The following MGMT variants were observed in gnomAD, a reference collection of about 807,000 sequenced individuals.
MGMT encodes O-6-methylguanine-DNA methyltransferase.
Under a neutral mutation model 15.9 loss-of-function variants are expected in MGMT, and 14 were observed. The ratio of observed to expected loss-of-function variants is 0.88; its 90% CI spans 0.58 to 1.37. MGMT has a LOEUF of 1.37. Among genes scored for constraint, MGMT ranks in the 40% most tolerant of loss-of-function variants. MGMT has a pLI of 0.00. For synonymous variants in MGMT, 130 were observed against 118.2 expected (o/e 1.10, Z -0.65); for missense variants, 282 against 268.1 (o/e 1.05, Z -0.36).
intron 2 of MGMT, among the ~76,000 whole-genome samples, chr10:129,552,826 C>A (rs1448047235): frequency 6.6e-6 from 1 of 152,202 alleles, no homozygotes; most frequent in Non-Finnish European, 1.5e-5. Flanking sequence ...TTTTCTGAAG[C>A]CTGCTCTTTT....
chr10:129,732,635 C>T (rs1346330623), intron 3 of MGMT, among the ~76,000 whole-genome samples: 1 of 150,136 alleles, frequency 6.7e-6, no homozygotes, highest in Non-Finnish European at 1.5e-5. Flanking sequence ...TATACATGTG[C>T]CATGCTTGTG....
At chr10:129,747,636 G>C (rs1289784545) in intron 3 of MGMT, among the ~76,000 whole-genome samples, 1 of 152,036 alleles carries the variant, frequency 6.6e-6, no homozygotes, top group Admixed American at 6.5e-5. Flanking sequence ...ACATTAGTAC[G>C]GTACATGTGT....
intron 2 of MGMT, among the ~76,000 whole-genome samples, chr10:129,590,534 T>C (rs2070816367): frequency 6.6e-6 from 1 of 152,248 alleles, no homozygotes; most frequent in African/African-American, 2.4e-5. Flanking sequence ...GAATAGTTTC[T>C]AGCCATGGAA....
intron 1 of MGMT, among the ~76,000 whole-genome samples, chr10:129,468,661 G>A (rs928405447): frequency 7.2e-5 from 11 of 152,018 alleles, no homozygotes; most frequent in Non-Finnish European, 1.6e-4. Flanking sequence ...GAGGTGGGTG[G>A]ATCACCTGAA....
chr10:129,733,494 T>G (rs747255994), intron 3 of MGMT, among the ~76,000 whole-genome samples: 1 of 149,360 alleles, frequency 6.7e-6, no homozygotes. Flanking sequence ...GAAAATTTTC[T>G]CCCATTTTGT....
chr10:129,499,720 C>T (rs1023486712), intron 1 of MGMT, among the ~76,000 whole-genome samples: 1 of 152,158 alleles, frequency 6.6e-6, no homozygotes, highest in African/African-American at 2.4e-5. Flanking sequence ...AGTATTCATG[C>T]TATAGAACAC....
intron 1 of MGMT, among the ~76,000 whole-genome samples, chr10:129,524,241 G>A (rs895037004): frequency 1.3e-5 from 2 of 152,182 alleles, no homozygotes; most frequent in African/African-American, 2.4e-5. Context: ...CATCTCTGGC[G>A]TGCTCAGGCC....
intron 1 of MGMT, among the ~76,000 whole-genome samples, chr10:129,505,867 G>A (rs934266810): frequency 1.3e-5 from 2 of 152,182 alleles, no homozygotes; most frequent in Non-Finnish European, 2.9e-5. Context: ...TGAGAGCAGT[G>A]TGAAGCCTGA....
At chr10:129,673,241 A>G (rs985720403) in intron 2 of MGMT, among the ~76,000 whole-genome samples, 1 of 152,146 alleles carries the variant, frequency 6.6e-6, no homozygotes, top group African/African-American at 2.4e-5. Context: ...TGCTCTTAGA[A>G]TATGACCCAC....
rs184904125 is a variant in MGMT, at chr10:129,698,160, A to G, written c.126-9735A>G. Among the ~76,000 whole-genome samples, 637 of 152,284 alleles carry G rather than the reference A, an allele frequency of 4.2e-3. 2 individuals are homozygous for G. Among genetic ancestry groups the G allele is most frequent in the African/African-American group, 0.014 (592 of 41,562 alleles). On this transcript the variant is annotated intron_variant, in intron 2 of 4. Transcript: ENST00000651593. ...AGGCTTTGAGGGCATCTGAGGAGGA[A>G]ACTGCAAGGTGTGCAGTTTGGCCCA...
At chr10:129,677,774 C>T (rs1847802162) in intron 2 of MGMT, among the ~76,000 whole-genome samples, 1 of 152,178 alleles carries the variant, frequency 6.6e-6, no homozygotes, top group African/African-American at 2.4e-5. Flanking sequence ...GGGTGTGGGC[C>T]AGCCGGGGGC....
At chr10:129,691,609 G>A (rs1847970849) in intron 2 of MGMT, among the ~76,000 whole-genome samples, 1 of 152,262 alleles carries the variant, frequency 6.6e-6, no homozygotes, top group Middle Eastern at 3.4e-3. Flanking sequence ...TGGCCGGGGG[G>A]AGCACAAAGA....
At chr10:129,719,948 G>C (rs1037234566) in intron 3 of MGMT, among the ~76,000 whole-genome samples, 2 of 152,210 alleles carry the variant, frequency 1.3e-5, no homozygotes, top group African/African-American at 4.8e-5. Context: ...CCCAGTGGTA[G>C]TTAGCAAGTC....
At chr10:129,712,778 A>C (rs1450607705) in intron 3 of MGMT, among the ~76,000 whole-genome samples, 1 of 152,100 alleles carries the variant, frequency 6.6e-6, no homozygotes, top group East Asian at 1.9e-4. Context: ...TTAAGATTAG[A>C]AATCCTTCTT....
At chr10:129,648,939 T>C (rs1415953820) in intron 2 of MGMT, among the ~76,000 whole-genome samples, 1 of 152,188 alleles carries the variant, frequency 6.6e-6, no homozygotes, top group Non-Finnish European at 1.5e-5. Context: ...AAAGCATCTG[T>C]GGTCTGGGCG....
intron 3 of MGMT, among the ~76,000 whole-genome samples, chr10:129,755,279 C>T (rs1848791790): frequency 6.6e-6 from 1 of 152,206 alleles, no homozygotes; most frequent in African/African-American, 2.4e-5. Context: ...AGCATTAGGT[C>T]AAATAGCTGT....
intron 1 of MGMT, among the ~76,000 whole-genome samples, chr10:129,524,752 C>T (rs565053930): frequency 1.3e-4 from 20 of 151,910 alleles, no homozygotes; most frequent in East Asian, 3.9e-4. Context: ...CCACCATGCC[C>T]GGCTTATTTT....
At chr10:129,542,552 C>CT (rs1171760561) in intron 2 of MGMT, among the ~76,000 whole-genome samples, 2 of 152,176 alleles carry the variant, frequency 1.3e-5, no homozygotes, top group African/African-American at 2.4e-5. Flanking sequence ...CTCTGTAGGA[C>CT]TTTTACCTGC....
intron 2 of MGMT, among the ~76,000 whole-genome samples, chr10:129,672,302 A>C (rs1847733714): frequency 6.6e-6 from 1 of 152,154 alleles, no homozygotes; most frequent in Non-Finnish European, 1.5e-5. Flanking sequence ...CTTTTCTCTA[A>C]ATTGAGATCT....
Sources: allele counts gnomAD v4.1 joint callset (sites outside exome capture counted in the v4.1 genomes callset), GRCh38; gene constraint gnomAD v4.1.1; transcripts MANE v1.5; gene names NCBI Gene and HGNC (gene_info 2026-07-23, HGNC 2026-07-21).